The following CAGE1 variants were observed in gnomAD, a reference collection of about 807,000 sequenced individuals.
CAGE1 encodes cancer antigen 1.
In CAGE1, 66 loss-of-function variants were observed where a neutral mutation model predicts 94.9. The ratio of observed to expected loss-of-function variants is 0.70; its 90% CI spans 0.57 to 0.85. The LOEUF (loss-of-function observed/expected upper bound fraction) is 0.85, where lower values mean the gene tolerates loss of function less well. CAGE1 is among the 40% of genes least tolerant of loss of function. The pLI is 0.00. For missense variants in CAGE1, 865 were observed against 950.4 expected (o/e 0.91, Z 1.18); for synonymous variants, 319 against 321.0 (o/e 0.99, Z 0.07).
At chr6:7,360,849 A>G (rs1760140255) in intron 9 of CAGE1, among the ~76,000 whole-genome samples, 1 of 152,164 alleles carries the variant, frequency 6.6e-6, no homozygotes. Flanking sequence ...TGGGAGGCTG[A>G]GGCAGGAGAA....
Position 7,343,198 on chromosome 6 carries a change from A to AAAAAAAAAAGAAAAG in CAGE1, c.2370-9109_2370-9108insCTTTTCTTTTTTTTT, listed in dbSNP as rs574460085. On this transcript the variant is annotated intron_variant, in intron 11 of 13. Coordinates refer to ENST00000502583, the MANE Select transcript of CAGE1 (RefSeq NM_001170692.2). ...TGCGAGACTCTGTCCCACAAAAAAA[A>AAAAAAAAAAGAAAAG]AAAAGAAAAGAAAAGAAAAGAAAAA... 6.3e-3 allele frequency among the ~76,000 whole-genome samples: 862 copies of AAAAAAAAAAGAAAAG among 137,314 alleles called. 13 individuals are homozygous for AAAAAAAAAAGAAAAG. Among genetic ancestry groups the AAAAAAAAAAGAAAAG allele is most frequent in the African/African-American group, 0.021 (754 of 35,350 alleles). 90.1% of individuals were successfully genotyped at this position (137,314 alleles called of 152,430 possible). A position where few individuals can be genotyped will look rare whatever the true frequency, so the allele number is the denominator to read the frequency against.
intron 3 of CAGE1, among the ~76,000 whole-genome samples, chr6:7,382,734 AC>A (rs1330362385): frequency 6.6e-6 from 1 of 151,474 alleles, no homozygotes; most frequent in Non-Finnish European, 1.5e-5. Flanking sequence ...ACATGGTGAA[AC>A]CCTGTTTCTA....
intron 11 of CAGE1, chr6:7,340,978 TG>T: frequency 4.6e-6 from 2 of 439,532 alleles, no homozygotes; most frequent in African/African-American, 2.0e-5. Flanking sequence ...AACAACAGCT[TG>T]TTGTCCAGGA....
chr6:7,362,569 G>A lies in CAGE1; in HGVS notation c.2193+2899C>T, dbSNP rs562629164. 6.6e-6 allele frequency among the ~76,000 whole-genome samples: 1 copy of A among 152,328 alleles called. No individual in the cohort carries two copies. The highest frequency in any genetic ancestry group is 2.4e-5 in the African/African-American group (1 of 41,576). ...GAGCAGATGGCAGGGTCAGAACTGTGAAGAGGAGCCAACGGCAAGGGGTCA... is the reference window on the plus strand; with the variant it reads ...GAGCAGATGGCAGGGTCAGAACTGTAAAGAGGAGCCAACGGCAAGGGGTCA... On this transcript the variant is annotated intron_variant, in intron 9 of 13. Transcript: ENST00000502583. This position sits in a 1 kb window ranked among gnomAD's most constrained non-coding sequence, Gnocchi z 4.1.
At chr6:7,337,734 T>C (rs1759013657) in intron 11 of CAGE1, among the ~76,000 whole-genome samples, 1 of 152,236 alleles carries the variant, frequency 6.6e-6, no homozygotes. Context: ...TTTACACCAA[T>C]GCTACACTGT....
intron 12 of CAGE1, chr6:7,331,470 G>A (rs1758751484): frequency 4.4e-6 from 2 of 455,918 alleles, no homozygotes; most frequent in African/African-American, 4.1e-5. Context: ...CACTCCTAAT[G>A]TTGCAGTGCC....
Position 7,326,908 on chromosome 6 carries a change from GA to G in CAGE1, c.2479-10del, listed in dbSNP as rs1176855622. ...TTAAAAAGAGCTGGCATCTAAAAAT[GA>G]AAGGAAAAATGTTTCGTAAGTTTTG... On this transcript the variant is annotated splice_polypyrimidine_tract_variant and intron_variant, in intron 13 of 13. Transcript: ENST00000502583. 6.3e-7 allele frequency: 1 copy of G among 1,580,902 alleles called. No homozygotes were observed. Among genetic ancestry groups the G allele is most frequent in the Admixed American group, 1.7e-5 (1 of 59,664 alleles).
chr6:7,376,567 T>C (rs1760753887), intron 4 of CAGE1, among the ~76,000 whole-genome samples: 1 of 152,008 alleles, frequency 6.6e-6, no homozygotes, highest in Admixed American at 6.6e-5. Context: ...TCCAGAACCG[T>C]GAGCCAGATA....
chr6:7,367,961 G>A lies in CAGE1; in HGVS notation c.2004+727C>T, dbSNP rs185579183. 1.9e-3 allele frequency among the ~76,000 whole-genome samples: 294 copies of A among 152,232 alleles called. 5 individuals carry two copies. The highest frequency in any genetic ancestry group is 4.1e-4 in the Non-Finnish European group (28 of 68,014). Reference sequence around the variant, plus strand: ...TAGAAAAGAGTACTTGAGGCCGGGTGCAGTGGCTCACGCCCGTAATCCCAA... The same window carrying A: ...TAGAAAAGAGTACTTGAGGCCGGGTACAGTGGCTCACGCCCGTAATCCCAA... On this transcript the variant is annotated intron_variant, in intron 7 of 13. Coordinates refer to ENST00000502583, the MANE Select transcript of CAGE1 (RefSeq NM_001170692.2).
chr6:7,373,095 A>C lies in CAGE1; in HGVS notation c.1724T>G (p.Val575Gly). 1.2e-6 allele frequency: 2 copies of C among 1,605,546 alleles called. No homozygotes were observed. Residue 575 changes from valine to glycine, a missense_variant, in exon 5 of 14, where the codon GTC becomes GGC. By Grantham distance (109) the Val-to-Gly change is moderately radical. Transcript: ENST00000502583. ...TACCTTGGTAATATCTGACTTCAAG[A>C]CTTCCTCTAATTGATCCTTTAACTG... ...TAQLKDQLEE[V>G]LKSDITKDTK...
chr6:7,356,927 G>C (rs1759974536), intron 9 of CAGE1, among the ~76,000 whole-genome samples: 1 of 152,226 alleles, frequency 6.6e-6, no homozygotes, highest in East Asian at 1.9e-4. Context: ...CTCCTGAGTA[G>C]ATGGGATTAC....
At chr6:7,332,585 T>G (rs1033005364) in intron 12 of CAGE1, among the ~76,000 whole-genome samples, 1 of 152,214 alleles carries the variant, frequency 6.6e-6, no homozygotes, top group Non-Finnish European at 1.5e-5. Flanking sequence ...TAGGCATGAA[T>G]GAATCACCAG....
intron 9 of CAGE1, among the ~76,000 whole-genome samples, chr6:7,358,471 C>T (rs1760057398): frequency 6.6e-6 from 1 of 152,016 alleles, no homozygotes; most frequent in Non-Finnish European, 1.5e-5. Flanking sequence ...CTGATTTGGG[C>T]TATTTATTAT....
intron 11 of CAGE1, among the ~76,000 whole-genome samples, chr6:7,354,237 CT>C (rs1759877789): frequency 6.6e-6 from 1 of 151,588 alleles, no homozygotes; most frequent in African/African-American, 2.4e-5. Flanking sequence ...GCTGAATTTC[CT>C]TGGTTATAAG....
chr6:7,349,479 G>C (rs967284249), intron 11 of CAGE1, among the ~76,000 whole-genome samples: 1 of 151,426 alleles, frequency 6.6e-6, no homozygotes, highest in African/African-American at 2.4e-5. Context: ...AATCACACAG[G>C]ACCTATAAAA....
chr6:7,389,338 T>C lies in CAGE1; in HGVS notation c.-160A>G, dbSNP rs1474070134. On this transcript the variant is annotated 5_prime_UTR_variant, in exon 1 of 14. Coordinates refer to ENST00000502583, the MANE Select transcript of CAGE1 (RefSeq NM_001170692.2). ...CTACGGACCTGGCTCTCCCTCCCTC[T>C]GCACCGGGTTTTGTGGGAGGGAGAA... The C allele has an allele frequency of 4.4e-6, 2 of 456,254 alleles. No homozygotes were observed. The highest frequency in any genetic ancestry group is 3.1e-5 in the South Asian group (2 of 64,574). 28.3% of individuals were successfully genotyped at this position (456,254 alleles called of 1,614,324 possible).
intron 11 of CAGE1, chr6:7,341,515 A>C: frequency 1.6e-6 from 2 of 1,242,170 alleles, no homozygotes. Flanking sequence ...GATGTCACCC[A>C]GAAGATTCTG....
At chr6:7,359,382 A>G (rs941928474) in intron 9 of CAGE1, among the ~76,000 whole-genome samples, 5 of 151,974 alleles carry the variant, frequency 3.3e-5, no homozygotes, top group Non-Finnish European at 7.4e-5. Context: ...TATCTTTGCC[A>G]CCTCTTCAGC....
At chr6:7,368,943 C>G in intron 6 of CAGE1, 145 bp from the exon 7 acceptor site, 2 of 558,436 alleles carry the variant, frequency 3.6e-6, no homozygotes, top group Non-Finnish European at 6.3e-6. Context: ...AACTCCATTC[C>G]TCAATTACTT....
Sources: gnomAD v4.1 joint callset for allele counts (sites outside exome capture counted in the v4.1 genomes callset) on GRCh38, gnomAD v4.1.1 for gene constraint, Gnocchi (gnomAD v3.1) non-coding constraint, MANE v1.5 for transcripts, NCBI Gene and HGNC (gene_info 2026-07-23, HGNC 2026-07-21) for gene names.